Variants in DMD observed in about 807,000 individuals in gnomAD.
The protein encoded by DMD is mutant dystrophin.
In DMD, 63 loss-of-function variants were observed where a neutral mutation model predicts 330.1. The ratio of observed to expected loss-of-function variants is 0.19; its 90% CI spans 0.16 to 0.24. The LOEUF is 0.24. Ranked by LOEUF, DMD falls within the 10% of genes least tolerant of loss-of-function variation. DMD has a pLI of 1.00. For missense variants in DMD, 3,344 were observed against 2,684.1 expected (o/e 1.25, Z -5.43); for synonymous variants, 1,223 against 959.8 (o/e 1.27, Z -5.07).
intron 44 of DMD, among the ~76,000 whole-genome samples, chrX:32,141,297 G>A (rs1432135542): frequency 2.8e-5 from 3 of 108,469 alleles, no homozygotes; most frequent in Non-Finnish European, 3.8e-5. Flanking sequence ...ATAGCCTGGC[G>A]TGGTTGTGGG....
chrX:32,187,720 C>A (rs189562355), intron 44 of DMD, among the ~76,000 whole-genome samples: 1 of 110,962 alleles, frequency 9.0e-6, no homozygotes, highest in Non-Finnish European at 1.9e-5. Context: ...CAGAAGACAA[C>A]GTACAACTTT....
At chrX:32,717,079 A>G (rs114892373) in intron 7 of DMD, among the ~76,000 whole-genome samples, 1,864 of 111,163 alleles carry the variant, frequency 0.017, 46 homozygotes, top group African/African-American at 0.057. Flanking sequence ...TGTGGTAGAA[A>G]ACAAAAGCCT....
intron 55 of DMD, among the ~76,000 whole-genome samples, chrX:31,589,591 C>T (rs946245568): frequency 9.0e-6 from 1 of 111,639 alleles, no homozygotes; most frequent in Admixed American, 9.5e-5. Context: ...TTCAAAAATA[C>T]TGCCATGTTT....
At chrX:33,268,910 A>C (rs1422998992) in intron 1 of DMD, among the ~76,000 whole-genome samples, 1 of 88,681 alleles carries the variant, frequency 1.1e-5, no homozygotes, top group Non-Finnish European at 2.1e-5. Flanking sequence ...TGGGTGACAA[A>C]AAAAAAAAAA....
chrX:32,196,986 C>CAAA (rs71872245), intron 44 of DMD, among the ~76,000 whole-genome samples: 506 of 49,598 alleles, frequency 0.01, 35 homozygotes, highest in African/African-American at 0.037. Flanking sequence ...GACTCCATCT[C>CAAA]AAAAAAAAAA....
At chrX:31,803,172 G>A (rs772130046) in intron 50 of DMD, among the ~76,000 whole-genome samples, 5 of 111,837 alleles carry the variant, frequency 4.5e-5, no homozygotes, top group Non-Finnish European at 7.5e-5. Context: ...CACAAAATCT[G>A]TGGGCTCCTG....
At position 31,471,199 on chromosome X, in the gene DMD, G is replaced by C. The variant is rs942721980; in HGVS notation, c.8937+6907C>G. Among the ~76,000 whole-genome samples the C allele has an allele frequency of 1.1e-4, 12 of 111,143 alleles. 1 individual carries two copies. In the Admixed American group the frequency reaches 1.1e-3, roughly 11 times the overall value. ...GGTGTTCCAGGTGACGCTGGGATATGAAAAAAACGCCTGCAGCTAGCTCGG... is the reference window on the plus strand; with the variant it reads ...GGTGTTCCAGGTGACGCTGGGATATCAAAAAAACGCCTGCAGCTAGCTCGG... On this transcript the variant is annotated intron_variant, in intron 59 of 78. Coordinates refer to ENST00000357033, the MANE Select transcript of DMD (RefSeq NM_004006.3).
intron 51 of DMD, among the ~76,000 whole-genome samples, chrX:31,750,450 G>A (rs6628637): frequency 0.11 from 12,467 of 110,021 alleles, 606 homozygotes; most frequent in East Asian, 0.25. Flanking sequence ...AGATCAGATA[G>A]TGGTAGATAT....
intron 20 of DMD, among the ~76,000 whole-genome samples, chrX:32,485,734 CTTTTT>C (rs5902034): frequency 3.3e-4 from 12 of 36,154 alleles, no homozygotes; most frequent in East Asian, 2.6e-3. Flanking sequence ...GCAACCACTG[CTTTTT>C]TTTTTTTTTT....
At chrX:32,334,410 A>T (rs1231778678) in intron 41 of DMD, among the ~76,000 whole-genome samples, 4 of 112,130 alleles carry the variant, frequency 3.6e-5, no homozygotes, top group Non-Finnish European at 5.6e-5. Flanking sequence ...TGTTATTTCA[A>T]GGCAAAGAAG....
At chrX:32,557,375 T>C (rs747317517) in intron 16 of DMD, among the ~76,000 whole-genome samples, 19 of 111,831 alleles carry the variant, frequency 1.7e-4, no homozygotes, top group Non-Finnish European at 3.4e-4. Context: ...AACTATTATA[T>C]AGGAAGAATT....
At chrX:32,203,039 G>A (rs1714253676) in intron 44 of DMD, among the ~76,000 whole-genome samples, 1 of 111,541 alleles carries the variant, frequency 9.0e-6, no homozygotes, top group Admixed American at 9.5e-5. Context: ...AATGTCCTTT[G>A]CAAAGTTTTC....
chrX:31,512,337 A>C (rs777436103), intron 55 of DMD, among the ~76,000 whole-genome samples: 15,089 of 104,243 alleles, frequency 0.14, 1,125 homozygotes, highest in African/African-American at 0.23. Context: ...TCTTTAGTTT[A>C]ATTAGATCCC....
intron 41 of DMD, among the ~76,000 whole-genome samples, chrX:32,317,248 C>T (rs2097585663): frequency 9.0e-6 from 1 of 110,848 alleles, no homozygotes; most frequent in African/African-American, 3.3e-5. Context: ...ATATACTAGC[C>T]TCATTTTCTA....
intron 60 of DMD, among the ~76,000 whole-genome samples, chrX:31,355,954 A>G (rs905967582): frequency 1.8e-5 from 2 of 110,976 alleles, no homozygotes; most frequent in African/African-American, 6.5e-5. Flanking sequence ...TACAGGCATG[A>G]GCCACCTCTA....
intron 2 of DMD, among the ~76,000 whole-genome samples, chrX:32,872,709 G>A (rs1374678445): frequency 8.9e-6 from 1 of 112,108 alleles, no homozygotes; most frequent in Non-Finnish European, 1.9e-5. Context: ...ATGCACAAAG[G>A]GAAGTAGGGG....
At chrX:32,088,088 A>G (rs1423140672) in intron 44 of DMD, among the ~76,000 whole-genome samples, 2 of 112,519 alleles carry the variant, frequency 1.8e-5, no homozygotes, top group Non-Finnish European at 3.8e-5. Context: ...CAAATCATTT[A>G]ACTTAAAAAT....
chrX:32,544,054 C>G (rs1024048028), intron 17 of DMD, among the ~76,000 whole-genome samples: 1 of 111,705 alleles, frequency 9.0e-6, no homozygotes, highest in Non-Finnish European at 1.9e-5. Flanking sequence ...CGTAAAAACA[C>G]TTCTTGGCTG....
At chrX:32,673,241 C>T (rs770989791) in intron 9 of DMD, among the ~76,000 whole-genome samples, 2 of 110,571 alleles carry the variant, frequency 1.8e-5, no homozygotes, top group Non-Finnish European at 3.8e-5. Context: ...TCCCCCACCC[C>T]AACTCAAAAT....
Sources: gnomAD v4.1 joint callset for allele counts (sites outside exome capture counted in the v4.1 genomes callset) on GRCh38, gnomAD v4.1.1 for gene constraint, MANE v1.5 for transcripts, NCBI Gene and HGNC (gene_info 2026-07-23, HGNC 2026-07-21) for gene names.